The following TMEM108 variants were observed in gnomAD, a reference collection of about 807,000 sequenced individuals.
TMEM108 encodes cancer/testis antigen 124.
TMEM108 carries 12 observed loss-of-function variants against 35.1 expected under a neutral mutation model. That is an observed-to-expected ratio of 0.34 (90% CI 0.22 to 0.55). TMEM108 has a LOEUF of 0.55. Among genes scored for constraint, TMEM108 ranks in the 20% least tolerant of loss-of-function variants. The probability of loss-of-function intolerance (pLI) is 0.89; values close to 1 mark genes in which losing one functional copy is unlikely to be tolerated. For missense variants in TMEM108, 680 were observed against 753.3 expected (o/e 0.90, Z 1.14); for synonymous variants, 287 against 308.6 (o/e 0.93, Z 0.73).
chr3:133,271,365 T>C (rs1946769280), intron 3 of TMEM108, among the ~76,000 whole-genome samples: 1 of 152,182 alleles, frequency 6.6e-6, no homozygotes, highest in South Asian at 2.1e-4. Context: ...AAATATTAAT[T>C]TTTTAACCTT....
At chr3:133,173,187 G>T (rs190711461) in intron 2 of TMEM108, among the ~76,000 whole-genome samples, 60 of 152,312 alleles carry the variant, frequency 3.9e-4, no homozygotes, top group African/African-American at 1.4e-3. Flanking sequence ...CTTAGCTTTG[G>T]TTTGCCTCAG....
At chr3:133,330,248 C>A (rs747880113) in intron 3 of TMEM108, among the ~76,000 whole-genome samples, 38 of 152,182 alleles carry the variant, frequency 2.5e-4, no homozygotes, top group Non-Finnish European at 5.1e-4. Flanking sequence ...GCTGCTGAGA[C>A]TCCTCTGCCA....
chr3:133,051,917 A>T (rs1438815970), intron 2 of TMEM108, among the ~76,000 whole-genome samples: 2 of 152,096 alleles, frequency 1.3e-5, no homozygotes, highest in Non-Finnish European at 2.9e-5. Context: ...GTAGGTCTTG[A>T]GGTCAGGTAG....
chr3:133,389,345 G>C (rs1371670551), intron 4 of TMEM108: 2 of 985,468 alleles, frequency 2.0e-6, no homozygotes, highest in Admixed American at 6.2e-5. Context: ...CATCTGTGCA[G>C]GTGGGCTTTT....
At chr3:133,158,070 C>CT in intron 2 of TMEM108, among the ~76,000 whole-genome samples, 1 of 152,158 alleles carries the variant, frequency 6.6e-6, no homozygotes, top group African/African-American at 2.4e-5. Context: ...CCTGTGAGTC[C>CT]TTTTAACTCC....
chr3:133,223,538 A>G (rs1946023222), intron 2 of TMEM108, among the ~76,000 whole-genome samples: 3 of 152,142 alleles, frequency 2.0e-5, no homozygotes, highest in South Asian at 2.1e-4. Flanking sequence ...CCAAATTGTT[A>G]TCCTCGTAAA....
At chr3:133,332,020 G>C (rs2071399625) in intron 3 of TMEM108, among the ~76,000 whole-genome samples, 1 of 152,154 alleles carries the variant, frequency 6.6e-6, no homozygotes, top group African/African-American at 2.4e-5. Flanking sequence ...TTTTTATGGA[G>C]TTACATGTTG....
intron 3 of TMEM108, among the ~76,000 whole-genome samples, chr3:133,370,744 T>A (rs2072635287): frequency 6.6e-6 from 1 of 152,250 alleles, no homozygotes; most frequent in African/African-American, 2.4e-5. Context: ...TGTGAGTTTA[T>A]GCTCCTGTCA....
At chr3:133,351,197 G>T (rs1271681940) in intron 3 of TMEM108, among the ~76,000 whole-genome samples, 1 of 152,152 alleles carries the variant, frequency 6.6e-6, no homozygotes, top group African/African-American at 2.4e-5. Context: ...CTAAAAAACA[G>T]GCTATGCCTT....
chr3:133,207,985 C>T (rs1281125526), intron 2 of TMEM108, among the ~76,000 whole-genome samples: 1 of 152,200 alleles, frequency 6.6e-6, no homozygotes, highest in Admixed American at 6.5e-5. Flanking sequence ...ATAGATCTTT[C>T]TGTTCCAGCT....
chr3:133,292,973 A>T (rs2107696973), intron 3 of TMEM108, among the ~76,000 whole-genome samples: 1 of 152,350 alleles, frequency 6.6e-6, no homozygotes, highest in African/African-American at 2.4e-5. Context: ...GAGACCAGGA[A>T]TAACAAGTGA....
chr3:133,182,559 T>A (rs1945362727), intron 2 of TMEM108, among the ~76,000 whole-genome samples: 1 of 152,214 alleles, frequency 6.6e-6, no homozygotes, highest in African/African-American at 2.4e-5. Flanking sequence ...AGGTTCATGA[T>A]AAGGCAATTT....
At chr3:133,292,624 C>T (rs1319538942) in intron 3 of TMEM108, among the ~76,000 whole-genome samples, 1 of 152,202 alleles carries the variant, frequency 6.6e-6, no homozygotes, top group Non-Finnish European at 1.5e-5. Context: ...GGTTTTGTTT[C>T]AGAGCCTGCC....
intron 3 of TMEM108, among the ~76,000 whole-genome samples, chr3:133,270,949 A>G (rs6439399): frequency 0.96 from 146,277 of 152,192 alleles, 70,532 homozygotes; most frequent in East Asian, 1. Flanking sequence ...AGGGATTGCT[A>G]ATGAAATTAT....
chr3:133,291,128 A>G (rs1947062229), intron 3 of TMEM108, among the ~76,000 whole-genome samples: 1 of 152,190 alleles, frequency 6.6e-6, no homozygotes, highest in Non-Finnish European at 1.5e-5. Context: ...AATCCCAGAA[A>G]TGTTGTTCTA....
At chr3:133,141,207 G>A (rs1451471051) in intron 2 of TMEM108, among the ~76,000 whole-genome samples, 4 of 152,156 alleles carry the variant, frequency 2.6e-5, no homozygotes, top group African/African-American at 9.7e-5. Flanking sequence ...CAGAGCTATG[G>A]TGCCAGCAGG....
At chr3:133,201,569 C>A (rs1214306729) in intron 2 of TMEM108, among the ~76,000 whole-genome samples, 1 of 151,906 alleles carries the variant, frequency 6.6e-6, no homozygotes, top group Non-Finnish European at 1.5e-5. Context: ...TCTCTTCCTG[C>A]ATTAGTTGGC....
intron 2 of TMEM108, among the ~76,000 whole-genome samples, chr3:133,169,765 CT>C (rs1170202289): frequency 6.6e-6 from 1 of 152,128 alleles, no homozygotes; most frequent in Non-Finnish European, 1.5e-5. Context: ...TCTGTTTCCC[CT>C]GAGATGCTTT....
intron 2 of TMEM108, among the ~76,000 whole-genome samples, chr3:133,129,719 T>C (rs965139397): frequency 6.6e-6 from 1 of 152,136 alleles, no homozygotes; most frequent in Non-Finnish European, 1.5e-5. Context: ...ATTTTATATA[T>C]AGTGGCTCAT....
Sources: allele counts gnomAD v4.1 joint callset (sites outside exome capture counted in the v4.1 genomes callset), GRCh38; gene constraint gnomAD v4.1.1; transcripts MANE v1.5; gene names NCBI Gene and HGNC (gene_info 2026-07-23, HGNC 2026-07-21).